Variants in CCNT2 observed in about 807,000 individuals in gnomAD.
CCNT2 encodes the protein cyclin-T2.
Under a neutral mutation model 70.0 loss-of-function variants are expected in CCNT2, and 18 were observed. The observed-to-expected ratio is 0.26, with a 90% confidence interval of 0.18 to 0.38. The LOEUF (loss-of-function observed/expected upper bound fraction) is 0.38. Ranked by LOEUF, CCNT2 falls within the 10% of genes least tolerant of loss-of-function variation. The pLI is 1.00. For missense variants in CCNT2, 734 were observed against 890.2 expected, an observed-to-expected ratio of 0.82 and a Z score of 2.23; for synonymous variants, 334 against 313.3, an observed-to-expected ratio of 1.07 and a Z score of -0.70.
intron 7 of CCNT2, among the ~76,000 whole-genome samples, chr2:134,951,525 T>C (rs1682499239): frequency 6.6e-6 from 1 of 151,934 alleles, no homozygotes. Context: ...AGCTAGGAAG[T>C]ATATTTGGAG....
chr2:134,931,668 T>A (rs895641023), intron 2 of CCNT2, among the ~76,000 whole-genome samples: 8 of 152,190 alleles, frequency 5.3e-5, no homozygotes, highest in Non-Finnish European at 8.8e-5. Flanking sequence ...TTCGTGATAA[T>A]CTGTTCGAAG....
intron 5 of CCNT2, chr2:134,943,836 T>C: frequency 1.0e-6 from 1 of 985,396 alleles, no homozygotes; most frequent in Non-Finnish European, 1.2e-6. Context: ...TTTTTGAAAA[T>C]AGAATTTTGC....
At chr2:134,951,565 G>T (rs998485915) in intron 7 of CCNT2, among the ~76,000 whole-genome samples, 1 of 152,084 alleles carries the variant, frequency 6.6e-6, no homozygotes, top group African/African-American at 2.4e-5. Flanking sequence ...AAAAGTCTGG[G>T]TGTGGTGGCT....
In CCNT2 at chr2:134,954,303, T is replaced by G; in HGVS notation, c.1848T>G (p.Ser616=). 5 of 1,614,158 alleles carry G rather than the reference T, an allele frequency of 3.1e-6. No individual in the cohort carries two copies. The highest frequency in any genetic ancestry group is 4.2e-6 in the Non-Finnish European group (5 of 1,180,008). ...ATGGCATTTCCTCTAGCTCCAGCTC[T>G]TCAAGGAAGAGGCTGCATGTCAATG... ...SSDGISSSSS[S]SRKRLHVNDA... The change falls in exon 9 of 9, where the codon TCT becomes TCG. Residue 616 remains serine, a synonymous_variant. Transcript: ENST00000264157.
intron 2 of CCNT2, among the ~76,000 whole-genome samples, chr2:134,926,102 G>A (rs1680281350): frequency 6.6e-6 from 1 of 152,012 alleles, no homozygotes; most frequent in African/African-American, 2.4e-5. Context: ...CTGGACTCAA[G>A]CAGTCCTCCT....
Position 134,955,981 on chromosome 2 carries a change from A to G in CCNT2, c.*1333A>G, listed in dbSNP as rs898982012. 1 of 152,660 alleles carries G rather than the reference A, an allele frequency of 6.6e-6. No individual in the cohort carries two copies. The highest frequency in any genetic ancestry group is 1.9e-4 in the East Asian group (1 of 5,200). 9.5% of individuals were successfully genotyped at this position (152,660 alleles called of 1,614,324 possible). On this transcript the variant is annotated 3_prime_UTR_variant, in exon 9 of 9. Coordinates refer to ENST00000264157, the MANE Select transcript of CCNT2 (RefSeq NM_058241.3). ...ATTTCTGTTGAGGTAAAGTTTGCAC[A>G]GTCATCTGACTTCTGATCAAGCATT... is the stretch of plus-strand genomic sequence containing the variant.
At chr2:134,945,548 T>A (rs1681890897) in intron 5 of CCNT2, 1 of 985,314 alleles carries the variant, frequency 1.0e-6, no homozygotes, top group Non-Finnish European at 1.2e-6. Flanking sequence ...GCCTCCTGTA[T>A]CTGTACCCGT....
At position 134,957,230 on chromosome 2, in the gene CCNT2, T is replaced by A. The variant is rs773074491; in HGVS notation, c.*2582T>A. 1.3e-5 allele frequency: 2 copies of A among 152,160 alleles called. No homozygotes were observed. The highest frequency in any genetic ancestry group is 2.9e-5 in the Non-Finnish European group (2 of 68,016). The allele number at this position is 152,160 out of a possible 1,614,324, so 9.4% of individuals were successfully genotyped here. On this transcript the variant is annotated 3_prime_UTR_variant, in exon 9 of 9. Transcript: ENST00000264157. ...CCATTAGGCTCTACCAAAGAAAGAC[T>A]CTGATGAGTGGACATTATTACTGTG...
chr2:134,943,938 A>G (rs1002068533), intron 5 of CCNT2: 2 of 953,558 alleles, frequency 2.1e-6, no homozygotes, highest in South Asian at 9.7e-5. Context: ...GTATTTACCT[A>G]AGTATTCTCA....
rs924278254 is a variant in CCNT2 at position 134,959,125 on chromosome 2, C to T, written c.*4477C>T. 6.8e-6 allele frequency: 1 copy of T among 148,120 alleles called. No homozygotes were observed. The highest frequency in any genetic ancestry group is 2.5e-5 in the African/African-American group (1 of 39,868). 9.2% of individuals were successfully genotyped at this position (148,120 alleles called of 1,614,324 possible). A position where few individuals can be genotyped will look rare whatever the true frequency, so the allele number is the denominator to read the frequency against. ...TTTAAGGTATGTTTTTTTCAAGCAG[C>T]TTCATTTTATTAGGAAAAATACATA... On this transcript the variant is annotated 3_prime_UTR_variant, in exon 9 of 9. Coordinates refer to ENST00000264157, the MANE Select transcript of CCNT2 (RefSeq NM_058241.3).
chr2:134,940,794 C>T (rs1380129570), intron 4 of CCNT2, among the ~76,000 whole-genome samples: 2 of 152,112 alleles, frequency 1.3e-5, no homozygotes, highest in Non-Finnish European at 2.9e-5. Flanking sequence ...TACAAAGTGC[C>T]TCTAGTGATG....
chr2:134,934,668 A>T (rs906262901), intron 2 of CCNT2, among the ~76,000 whole-genome samples: 1 of 152,240 alleles, frequency 6.6e-6, no homozygotes. Context: ...AGAGAAGGAA[A>T]TGTGAATGGA....
intron 5 of CCNT2, chr2:134,945,710 C>G: frequency 7.9e-7 from 1 of 1,273,766 alleles, no homozygotes; most frequent in South Asian, 1.3e-5. Context: ...AGGATTAAGT[C>G]TGGCAGGCAA....
rs74621611 is a variant in CCNT2 at position 134,928,335 on chromosome 2, A to G, written c.240+8444A>G. On this transcript the variant is annotated intron_variant, in intron 2 of 8. Coordinates refer to ENST00000264157, the MANE Select transcript of CCNT2 (RefSeq NM_058241.3). ...TTCTTGTTGCCCAGGCTGGAGTGCA[A>G]TGGCGCGATCTCGGCTCACCACCGC... Among the ~76,000 whole-genome samples the G allele has an allele frequency of 0.019, 2,629 of 139,800 alleles. 189 individuals are homozygous for G. The East Asian group carries it at 0.28, about 15-fold the overall frequency. 91.7% of individuals were successfully genotyped at this position (139,800 alleles called of 152,430 possible). A position where few individuals can be genotyped will look rare whatever the true frequency, so the allele number is the denominator to read the frequency against.
At position 134,941,322 on chromosome 2, in the gene CCNT2, A is replaced by G. The variant is rs114404676; in HGVS notation, c.431-1290A>G. Among the ~76,000 whole-genome samples the G allele has an allele frequency of 8.1e-3, 1,232 of 152,330 alleles. 13 individuals are homozygous for G. Among genetic ancestry groups the G allele is most frequent in the African/African-American group, 0.027 (1,115 of 41,558 alleles). On this transcript the variant is annotated intron_variant, in intron 4 of 8. Transcript: ENST00000264157. ...GATCCACTTCCACTTAATACTAGTAAATACATTTTCTCTTCCTTATGATTT... is the reference window on the plus strand; with the variant it reads ...GATCCACTTCCACTTAATACTAGTAGATACATTTTCTCTTCCTTATGATTT...
intron 2 of CCNT2, among the ~76,000 whole-genome samples, chr2:134,927,420 A>G (rs1009316031): frequency 6.6e-6 from 1 of 152,140 alleles, no homozygotes; most frequent in Non-Finnish European, 1.5e-5. Context: ...GTCCTGGCTC[A>G]TCCTTTTTGT....
chr2:134,929,921 G>C (rs1680612750), intron 2 of CCNT2, among the ~76,000 whole-genome samples: 2 of 151,636 alleles, frequency 1.3e-5, no homozygotes, highest in Non-Finnish European at 2.9e-5. Flanking sequence ...AAAGTGCTGG[G>C]ATTACAGGCA....
chr2:134,936,921 A>G lies in CCNT2; in HGVS notation c.321A>G (p.Ala107=). The G allele has an allele frequency of 6.2e-7, 1 of 1,611,314 alleles. No individual in the cohort carries two copies. The highest frequency in any genetic ancestry group is 8.5e-7 in the Non-Finnish European group (1 of 1,177,484). Residue 107 remains alanine, a synonymous_variant, in exon 3 of 9, where the codon GCA becomes GCG. Coordinates refer to ENST00000264157, the MANE Select transcript of CCNT2 (RefSeq NM_058241.3). ...AACTTGAACATGTTATCAAAGTAGC[A>G]CATGCTTGTCTTCATCCTCTAGAGC... is the stretch of plus-strand genomic sequence containing the variant. ...ARKLEHVIKV[A]HACLHPLEPL...
chr2:134,926,157 T>A lies in CCNT2; in HGVS notation c.240+6266T>A, dbSNP rs558230992. On this transcript the variant is annotated intron_variant, in intron 2 of 8. Coordinates refer to ENST00000264157, the MANE Select transcript of CCNT2 (RefSeq NM_058241.3). ...CAGCCTAAAGCAGCTCTTTCCAGTG[T>A]GATTTGTCACTTTAAGCACCACTCT... Among the ~76,000 whole-genome samples, 4 of 152,292 alleles carry A rather than the reference T, an allele frequency of 2.6e-5. No homozygotes were observed. The South Asian group carries it at 6.2e-4, about 24-fold the overall frequency.
Sources: allele counts gnomAD v4.1 joint callset (sites outside exome capture counted in the v4.1 genomes callset), GRCh38; gene constraint gnomAD v4.1.1; transcripts MANE v1.5; gene names NCBI Gene and HGNC (gene_info 2026-07-23, HGNC 2026-07-21).